The following TMEM266 variants were observed in gnomAD, a reference collection of about 807,000 sequenced individuals.
TMEM266 encodes Hv1 related protein 1.
A neutral mutation model predicts 50.5 loss-of-function variants in TMEM266; 33 were observed. The observed-to-expected ratio is 0.65, with a 90% confidence interval of 0.50 to 0.87. TMEM266 has a LOEUF of 0.87. Ranked by LOEUF, TMEM266 falls within the 40% of genes least tolerant of loss-of-function variation. The probability of loss-of-function intolerance (pLI) is 0.00; values close to 1 mark genes in which losing one functional copy is unlikely to be tolerated. For synonymous variants in TMEM266, 310 were observed against 292.3 expected (o/e 1.06, Z -0.62); for missense variants, 655 against 695.1 (o/e 0.94, Z 0.65).
chr15:76,124,342 G>A (rs2142021584), intron 1 of TMEM266, among the ~76,000 whole-genome samples: 2 of 152,286 alleles, frequency 1.3e-5, no homozygotes, highest in Middle Eastern at 6.8e-3. Flanking sequence ...AGAAGAGCTT[G>A]GGTTCTCTGT....
chr15:76,140,235 G>T (rs2037656766), intron 3 of TMEM266, among the ~76,000 whole-genome samples: 1 of 152,214 alleles, frequency 6.6e-6, no homozygotes, highest in Non-Finnish European at 1.5e-5. Flanking sequence ...CCGATTGGCA[G>T]CCAGAGGGCT....
intron 1 of TMEM266, among the ~76,000 whole-genome samples, chr15:76,109,505 A>C (rs937066133): frequency 6.6e-6 from 1 of 152,188 alleles, no homozygotes. Context: ...CACACTTCAA[A>C]AGTGGCAATA....
At position 76,159,999 on chromosome 15, in the gene TMEM266, C is replaced by T. The variant is rs549882309; in HGVS notation, c.383-96C>T. 3.2e-5 allele frequency: 39 copies of T among 1,217,788 alleles called. No individual in the cohort carries two copies. The South Asian group carries it at 3.4e-4, about 11-fold the overall frequency. 75.4% of individuals were successfully genotyped at this position (1,217,788 alleles called of 1,614,324 possible). Reference sequence around the variant, plus strand: ...TCTAAACGTTCATGCAGGCGGGCCCCGGGGTCCCAGAGGTCTGGACGGATG... The same window carrying T: ...TCTAAACGTTCATGCAGGCGGGCCCTGGGGTCCCAGAGGTCTGGACGGATG... On this transcript the variant is annotated intron_variant, in intron 4 of 10. Transcript: ENST00000388942.
At position 76,160,620 on chromosome 15, in the gene TMEM266, G is replaced by C. The variant is rs2038003744; in HGVS notation, c.456+452G>C. ...ACCTTTGGGGCTGAAGCACGCAGTG[G>C]GTGGGGGAACGGGGTCACAGGGCCA... On this transcript the variant is annotated intron_variant, in intron 5 of 10. Coordinates refer to ENST00000388942, the MANE Select transcript of TMEM266 (RefSeq NM_152335.3). The surrounding 1 kb of genome is among the most constrained non-coding windows in gnomAD (Gnocchi z 5.7). Among the ~76,000 whole-genome samples the C allele has an allele frequency of 6.6e-6, 1 of 152,328 alleles. No individual in the cohort carries two copies.
chr15:76,156,604 G>A lies in TMEM266; in HGVS notation c.228G>A (p.Gly76=), dbSNP rs1245773135. The A allele has an allele frequency of 6.2e-7, 1 of 1,613,706 alleles. No homozygotes were observed. The highest frequency in any genetic ancestry group is 1.7e-5 in the Admixed American group (1 of 60,014). ...CTTCTCCCCACTTTTGTCCCCACAG[G>A]TCTAACTGGCTGAAGCCGTGCTGTG... Residue 76 remains glycine, a splice_region_variant and synonymous_variant, in exon 4 of 11, where the codon GGG becomes GGA. Coordinates refer to ENST00000388942, the MANE Select transcript of TMEM266 (RefSeq NM_152335.3).
intron 1 of TMEM266, chr15:76,114,115 G>A (rs2142013749): frequency 6.6e-6 from 1 of 152,290 alleles, no homozygotes; most frequent in South Asian, 2.1e-4. Flanking sequence ...ATTAAAAATA[G>A]TTGTGGTTCA....
Position 76,204,160 on chromosome 15 carries a change from A to G in TMEM266, c.1441A>G (p.Arg481Gly), listed in dbSNP as rs1488233570. ...CCAAACCAGCCCCGAGCTGGAACAC[A>G]GGGTAAGTCTGTTCAACCAGAAGAA... Residue 481 changes from arginine to glycine, a missense_variant, in exon 11 of 11, where the codon AGG (arginine) becomes GGG (glycine). Physicochemically the swap from Arg to Gly is moderately radical, Grantham distance 125 (BLOSUM62 -2). Around this residue, in one of 3 missense-constraint regions of TMEM266, gnomAD observed 455 missense variants for 401.8 expected, o/e 1.13. Transcript: ENST00000388942. 1.9e-6 allele frequency: 3 copies of G among 1,613,528 alleles called. No individual in the cohort carries two copies. The highest frequency in any genetic ancestry group is 1.7e-6 in the Non-Finnish European group (2 of 1,179,940).
chr15:76,145,817 C>T (rs1281531505), intron 3 of TMEM266, among the ~76,000 whole-genome samples: 1 of 152,234 alleles, frequency 6.6e-6, no homozygotes, highest in Non-Finnish European at 1.5e-5. Flanking sequence ...CATTCCAATG[C>T]AGTTGGACCA....
chr15:76,126,272 C>T (rs112636447), intron 1 of TMEM266, among the ~76,000 whole-genome samples: 1,673 of 151,186 alleles, frequency 0.011, 26 homozygotes, highest in African/African-American at 0.039. Flanking sequence ...TGCACTCTTA[C>T]ATTTATTGCA....
intron 1 of TMEM266, among the ~76,000 whole-genome samples, chr15:76,089,963 T>G (rs2036826906): frequency 6.6e-6 from 1 of 152,086 alleles, no homozygotes; most frequent in South Asian, 2.1e-4. Context: ...GATGGTAACT[T>G]CACAAGACAA....
intron 9 of TMEM266, among the ~76,000 whole-genome samples, chr15:76,201,472 G>A (rs1251556153): frequency 6.6e-6 from 1 of 152,118 alleles, no homozygotes; most frequent in Non-Finnish European, 1.5e-5. Flanking sequence ...GCTCACGGCA[G>A]CCTCAACCAA....
chr15:76,151,426 C>T (rs763796439), intron 3 of TMEM266, among the ~76,000 whole-genome samples: 7 of 152,114 alleles, frequency 4.6e-5, no homozygotes, highest in Non-Finnish European at 8.8e-5. Context: ...CAAAAGCCTG[C>T]GGCTTCAGCC....
intron 1 of TMEM266, among the ~76,000 whole-genome samples, chr15:76,104,735 A>G (rs1307941075): frequency 6.6e-6 from 1 of 152,088 alleles, no homozygotes; most frequent in Non-Finnish European, 1.5e-5. Flanking sequence ...GAGGCGTTGG[A>G]TGTGTGAGGA....
chr15:76,191,507 TGA>T, intron 8 of TMEM266: 1 of 153,638 alleles, frequency 6.5e-6, no homozygotes. Context: ...CAGCGGGCAG[TGA>T]CGCCAGGATG....
chr15:76,065,884 C>T (rs900293447), intron 1 of TMEM266, among the ~76,000 whole-genome samples: 8 of 152,018 alleles, frequency 5.3e-5, no homozygotes, highest in African/African-American at 1.2e-4. Context: ...GGCTTTGTCC[C>T]GCGCACTCCC....
chr15:76,200,058 C>T (rs1181539057), intron 9 of TMEM266, among the ~76,000 whole-genome samples: 2 of 152,142 alleles, frequency 1.3e-5, no homozygotes, highest in African/African-American at 4.8e-5. Context: ...GTTGACGTCC[C>T]TGGAAGGCCC....
rs981304919 is a variant in TMEM266 at position 76,160,290 on chromosome 15, G to A, written c.456+122G>A. The A allele has an allele frequency of 3.5e-5, 35 of 991,370 alleles. 1 individual carries two copies. Among genetic ancestry groups the A allele is most frequent in the African/African-American group, 1.6e-5 (1 of 62,252 alleles). The allele number at this position is 991,370 out of a possible 1,614,324, so 61.4% of individuals were successfully genotyped here. ...TCCCCTGCTAGCCCTTGAGGCTGCT[G>A]GGAGGGAGACACAATATAGATAGAT... On this transcript the variant is annotated intron_variant, in intron 5 of 10. Coordinates refer to ENST00000388942, the MANE Select transcript of TMEM266 (RefSeq NM_152335.3). The surrounding 1 kb of genome is among the most constrained non-coding windows in gnomAD (Gnocchi z 5.7).
At chr15:76,097,409 ATTCTT>A (rs755516099) in intron 1 of TMEM266, among the ~76,000 whole-genome samples, 2 of 151,948 alleles carry the variant, frequency 1.3e-5, no homozygotes, top group Non-Finnish European at 2.9e-5. Context: ...TGGGTTGAAA[ATTCTT>A]TTCTTTAATA....
At position 76,104,556 on chromosome 15, in the gene TMEM266, C is replaced by T. The variant is rs142995067; in HGVS notation, c.-96-29612C>T. Among the ~76,000 whole-genome samples the T allele has an allele frequency of 1.6e-3, 248 of 152,056 alleles. 4 individuals are homozygous for T. Among genetic ancestry groups the T allele is most frequent in the African/African-American group, 5.4e-3 (224 of 41,470 alleles). ...GTTGGGGGCCCGGCGCGGTGGCTCA[C>T]GCCTGTAATCCCAGCACTTTGGGAG... is the stretch of plus-strand genomic sequence containing the variant. On this transcript the variant is annotated intron_variant, in intron 1 of 10. Coordinates refer to ENST00000388942, the MANE Select transcript of TMEM266 (RefSeq NM_152335.3).
Sources: allele counts gnomAD v4.1 joint callset (sites outside exome capture counted in the v4.1 genomes callset), GRCh38; gene constraint gnomAD v4.1.1; regional missense constraint gnomAD v4.1.1; non-coding constraint Gnocchi (gnomAD v3.1); transcripts MANE v1.5; gene names NCBI Gene and HGNC (gene_info 2026-07-23, HGNC 2026-07-21).